RNFT2: variants seen among roughly 807,000 people sequenced by gnomAD.
RNFT2 encodes ring finger protein, transmembrane 2.
A neutral mutation model predicts 53.0 loss-of-function variants in RNFT2; 36 were observed. The ratio of observed to expected loss-of-function variants is 0.68; its 90% confidence interval spans 0.52 to 0.90. RNFT2 has a LOEUF of 0.90. Ranked by LOEUF, RNFT2 falls within the 40% of genes least tolerant of loss-of-function variation. RNFT2 has a pLI of 0.00. For missense variants in RNFT2, 514 were observed against 585.6 expected (o/e 0.88, Z 1.26); for synonymous variants, 260 against 253.2 (o/e 1.03, Z -0.26).
chr12:116,829,168 A>G (rs963677928), intron 7 of RNFT2, among the ~76,000 whole-genome samples: 2 of 152,096 alleles, frequency 1.3e-5, no homozygotes, highest in Non-Finnish European at 2.9e-5. Context: ...CAGGGAATGA[A>G]AGTTCAAATC....
At chr12:116,820,846 T>G (rs556539456) in intron 7 of RNFT2, among the ~76,000 whole-genome samples, 1 of 152,164 alleles carries the variant, frequency 6.6e-6, no homozygotes, top group African/African-American at 2.4e-5. Context: ...ATTGTCAGAG[T>G]CTGGGGACAG....
At chr12:116,798,302 A>T (rs1874604350) in intron 7 of RNFT2, among the ~76,000 whole-genome samples, 2 of 152,092 alleles carry the variant, frequency 1.3e-5, no homozygotes, top group African/African-American at 4.8e-5. Flanking sequence ...ATTCAAATAG[A>T]ATAGTAACAT....
At chr12:116,753,927 C>A in intron 4 of RNFT2, 57 bp from the exon 5 acceptor site, 1 of 1,400,648 alleles carries the variant, frequency 7.1e-7, no homozygotes, top group Middle Eastern at 1.8e-4. Context: ...TGCTCAGCAC[C>A]TGGGCTAGGC....
intron 7 of RNFT2, among the ~76,000 whole-genome samples, chr12:116,829,733 C>A (rs1876537992): frequency 6.6e-6 from 1 of 152,166 alleles, no homozygotes; most frequent in African/African-American, 2.4e-5. Flanking sequence ...GCACGTGCCA[C>A]CATACCCGGC....
At chr12:116,755,753 T>A in intron 5 of RNFT2, 5 of 1,477,500 alleles carry the variant, frequency 3.4e-6, no homozygotes, top group Non-Finnish European at 4.7e-6. Flanking sequence ...TCCCTTGATG[T>A]CTACGATATC....
At position 116,800,173 on chromosome 12, in the gene RNFT2, G is replaced by A. The variant is rs913995193; in HGVS notation, c.882+20825G>A. On this transcript the variant is annotated intron_variant, in intron 7 of 10. Coordinates refer to ENST00000257575, the MANE Select transcript of RNFT2 (RefSeq NM_001382266.1). ...CTCCCCCTACAGTCTGCAGAACCAT[G>A]AGCCAAGATAAACCTCTTTTCTTTA... Among the ~76,000 whole-genome samples, 3 of 152,060 alleles carry A rather than the reference G, an allele frequency of 2.0e-5. No homozygotes were observed. The South Asian group carries it at 6.2e-4, about 32-fold the overall frequency.
In RNFT2 at chr12:116,852,620, T is replaced by G; in HGVS notation, c.*3172T>G. On this transcript the variant is annotated 3_prime_UTR_variant, in exon 11 of 11. Coordinates refer to ENST00000257575, the MANE Select transcript of RNFT2 (RefSeq NM_001382266.1). Reference sequence around the variant, plus strand: ...AAGCAACAGGAACTTCTGCAACTGGTTTTTATCGGAAAGATCATCCTGCCT... The same window carrying G: ...AAGCAACAGGAACTTCTGCAACTGGGTTTTATCGGAAAGATCATCCTGCCT... 6.2e-7 allele frequency: 1 copy of G among 1,613,832 alleles called. No homozygotes were observed. The highest frequency in any genetic ancestry group is 1.1e-5 in the South Asian group (1 of 91,080).
intron 5 of RNFT2, among the ~76,000 whole-genome samples, chr12:116,762,843 C>G (rs1179320096): frequency 6.6e-6 from 1 of 152,130 alleles, no homozygotes; most frequent in Non-Finnish European, 1.5e-5. Flanking sequence ...AACACTTGAC[C>G]TCAGGTGATC....
intron 6 of RNFT2, 52 bp from the exon 7 acceptor site, chr12:116,779,143 G>A (rs1873572334): frequency 6.3e-7 from 1 of 1,598,586 alleles, no homozygotes; most frequent in Non-Finnish European, 8.6e-7. Context: ...AGAAGGAGCT[G>A]CTGAGGCCTG....
Position 116,779,185 on chromosome 12 carries a change from C to G in RNFT2, c.729-10C>G, listed in dbSNP as rs746434486. 154 of 1,613,822 alleles carry G rather than the reference C, an allele frequency of 9.5e-5. 2 individuals are homozygous for G. The Middle Eastern group carries it at 2.3e-3, about 24-fold the overall frequency. ...AGGGAACCTTCTGACTCTCTCAATC[C>G]TCCCCCCAGCCTCATATTCCTGAAG... On this transcript the variant is annotated splice_polypyrimidine_tract_variant and intron_variant, in intron 6 of 10. Transcript: ENST00000257575.
chr12:116,759,635 T>C (rs1354248796), intron 5 of RNFT2, among the ~76,000 whole-genome samples: 1 of 152,200 alleles, frequency 6.6e-6, no homozygotes, highest in African/African-American at 2.4e-5. Flanking sequence ...GTCTGTCTTC[T>C]GGGTCTAGCC....
chr12:116,757,350 T>C (rs1050487638), intron 5 of RNFT2, among the ~76,000 whole-genome samples: 1 of 152,172 alleles, frequency 6.6e-6, no homozygotes, highest in African/African-American at 2.4e-5. Flanking sequence ...GGTTATTTCC[T>C]TTCTTCTGCT....
At chr12:116,771,199 G>A (rs534006550) in intron 6 of RNFT2, among the ~76,000 whole-genome samples, 246 of 151,996 alleles carry the variant, frequency 1.6e-3, no homozygotes, top group African/African-American at 4.5e-3. Context: ...GTTGGCTCAC[G>A]CTGTAATCCC....
At chr12:116,775,276 AAAAG>A (rs1379781843) in intron 6 of RNFT2, among the ~76,000 whole-genome samples, 198 of 146,128 alleles carry the variant, frequency 1.4e-3, no homozygotes, top group African/African-American at 4.9e-3. Flanking sequence ...AAAAAAAAAA[AAAAG>A]AGAGAGAGAA....
At chr12:116,800,476 A>G (rs1200840541) in intron 7 of RNFT2, among the ~76,000 whole-genome samples, 1 of 151,804 alleles carries the variant, frequency 6.6e-6, no homozygotes, top group African/African-American at 2.4e-5. Context: ...TACTATAAAT[A>G]TAAAAAATCA....
chr12:116,820,909 G>C (rs1875979893), intron 7 of RNFT2, among the ~76,000 whole-genome samples: 1 of 152,094 alleles, frequency 6.6e-6, no homozygotes, highest in Admixed American at 6.5e-5. Flanking sequence ...CTAGAAGCCA[G>C]CCCTAGTCCT....
At chr12:116,834,349 C>T (rs1446332446) in intron 8 of RNFT2, among the ~76,000 whole-genome samples, 1 of 152,080 alleles carries the variant, frequency 6.6e-6, no homozygotes, top group Non-Finnish European at 1.5e-5. Context: ...GAACTCCTGA[C>T]CTCAAGTGAT....
chr12:116,775,461 G>A (rs1873393233), intron 6 of RNFT2, among the ~76,000 whole-genome samples: 1 of 152,146 alleles, frequency 6.6e-6, no homozygotes, highest in Admixed American at 6.6e-5. Flanking sequence ...AGCCTTGGAG[G>A]CGACACTTAC....
intron 1 of RNFT2, among the ~76,000 whole-genome samples, chr12:116,739,760 A>G (rs1032076896): frequency 2.6e-5 from 4 of 152,236 alleles, no homozygotes; most frequent in Admixed American, 6.5e-5. Context: ...GAAACAGATG[A>G]TGCTACATCA....
Sources: gnomAD v4.1 joint callset for allele counts (sites outside exome capture counted in the v4.1 genomes callset) on GRCh38, gnomAD v4.1.1 for gene constraint, MANE v1.5 for transcripts, NCBI Gene and HGNC (gene_info 2026-07-23, HGNC 2026-07-21) for gene names.